The following MPDZ variants were observed in gnomAD, a reference collection of about 807,000 sequenced individuals.
MPDZ encodes multiple PDZ domain protein.
A neutral mutation model predicts 239.1 loss-of-function variants in MPDZ; 234 were observed. The observed-to-expected ratio is 0.98, with a 90% CI of 0.88 to 1.09. The LOEUF is 1.09. Ranked by LOEUF, MPDZ falls within the 50% of genes least tolerant of loss-of-function variation. The pLI, the probability that MPDZ is intolerant of heterozygous loss-of-function variation, is 0.00. For synonymous variants in MPDZ, 1,048 were observed against 881.3 expected (o/e 1.19, Z -3.35); for missense variants, 3,175 against 2,510.0 (o/e 1.26, Z -5.66).
At chr9:13,143,730 T>C (rs1242619831) in intron 26 of MPDZ, among the ~76,000 whole-genome samples, 166 bp from the exon 27 acceptor site, 1 of 151,958 alleles carries the variant, frequency 6.6e-6, no homozygotes, top group Non-Finnish European at 1.5e-5. Context: ...AACTAAAGAT[T>C]TGTCTCTAAT....
rs1194129550 is a variant in MPDZ, at chr9:13,118,863, A to T, written c.5379+639T>A. 3.9e-5 allele frequency among the ~76,000 whole-genome samples: 6 copies of T among 152,322 alleles called. No homozygotes were observed. The East Asian group carries it at 1.2e-3, about 29-fold the overall frequency. On this transcript the variant is annotated intron_variant, in intron 39 of 46. Transcript: ENST00000319217. Reference sequence around the variant, plus strand: ...GAGGAAACCAATTTTATGATGTAAAATGTACTTGAGTTTAGAATGATATCT... The same window carrying T: ...GAGGAAACCAATTTTATGATGTAAATTGTACTTGAGTTTAGAATGATATCT...
At chr9:13,196,301 G>C (rs1399631427) in intron 12 of MPDZ, 71 bp from the exon 13 acceptor site, 15 of 1,086,372 alleles carry the variant, frequency 1.4e-5, no homozygotes, top group Non-Finnish European at 1.9e-5. Context: ...CCTGTACCAA[G>C]GATTCTCTGA....
chr9:13,224,863 C>A (rs1386353488), intron 3 of MPDZ, among the ~76,000 whole-genome samples: 1 of 152,000 alleles, frequency 6.6e-6, no homozygotes, highest in Non-Finnish European at 1.5e-5. Flanking sequence ...TAAAACACAC[C>A]CATAAATATA....
At chr9:13,206,191 T>C (rs1296863037) in intron 10 of MPDZ, 92 bp from the exon 11 acceptor site, 2 of 1,205,992 alleles carry the variant, frequency 1.7e-6, no homozygotes, top group Admixed American at 2.6e-5. Context: ...TAGTTGTTAG[T>C]GTGAAAAGAA....
intron 12 of MPDZ, among the ~76,000 whole-genome samples, chr9:13,199,226 T>C (rs758570738): frequency 2.6e-5 from 4 of 152,082 alleles, no homozygotes; most frequent in Non-Finnish European, 5.9e-5. Flanking sequence ...AATCTTTTAC[T>C]TCTTTGTTTA....
chr9:13,260,093 A>G (rs1288271151), intron 1 of MPDZ, among the ~76,000 whole-genome samples: 1 of 151,710 alleles, frequency 6.6e-6, no homozygotes, highest in African/African-American at 2.4e-5. Context: ...CCACCCACCT[A>G]GGCCTCCCAA....
intron 25 of MPDZ, among the ~76,000 whole-genome samples, chr9:13,149,214 C>T (rs182527442): frequency 2.6e-5 from 4 of 152,050 alleles, no homozygotes; most frequent in African/African-American, 9.6e-5. Flanking sequence ...GACATGGTCC[C>T]TGTTTTCGCT....
chr9:13,139,921 C>T, intron 28 of MPDZ, 66 bp downstream of exon 28: 2 of 1,592,240 alleles, frequency 1.3e-6, no homozygotes, highest in Non-Finnish European at 1.7e-6. Context: ...AGGGCGAAAT[C>T]CTTGAGAAAC....
At chr9:13,226,836 A>G (rs990384089) in intron 3 of MPDZ, among the ~76,000 whole-genome samples, 9 of 152,266 alleles carry the variant, frequency 5.9e-5, no homozygotes, top group Admixed American at 3.3e-4. Context: ...GTTGTTCAAC[A>G]TACATTGGCA....
chr9:13,191,792 C>T (rs1012324328), intron 15 of MPDZ, among the ~76,000 whole-genome samples: 1 of 152,132 alleles, frequency 6.6e-6, no homozygotes, highest in African/African-American at 2.4e-5. Context: ...CATAGAAATG[C>T]TGCAAGTAAA....
intron 22 of MPDZ, 102 bp downstream of exon 22, chr9:13,168,264 A>G: frequency 9.6e-7 from 1 of 1,036,398 alleles, no homozygotes; most frequent in East Asian, 2.5e-5. Context: ...AAAAAATGTG[A>G]TAACGTTTGC....
At chr9:13,160,638 C>T (rs1950345189) in intron 23 of MPDZ, among the ~76,000 whole-genome samples, 2 of 151,454 alleles carry the variant, frequency 1.3e-5, no homozygotes, top group Admixed American at 6.6e-5. Flanking sequence ...ATTAACCCTA[C>T]AATGGAAATC....
chr9:13,224,352 T>A (rs1190314949), intron 4 of MPDZ, 22 bp downstream of exon 4: 1 of 1,579,070 alleles, frequency 6.3e-7, no homozygotes, highest in South Asian at 1.1e-5. Flanking sequence ...TTACAATAAC[T>A]AACAGAAAGA....
chr9:13,158,212 T>C lies in MPDZ; in HGVS notation c.3360-102A>G, dbSNP rs943476017. The C allele has an allele frequency of 4.7e-6, 4 of 854,360 alleles. No homozygotes were observed. The African/African-American group carries it at 6.7e-5, about 14-fold the overall frequency. 52.9% of individuals were successfully genotyped at this position (854,360 alleles called of 1,614,324 possible). On this transcript the variant is annotated intron_variant, in intron 23 of 46. Coordinates refer to ENST00000319217, the MANE Select transcript of MPDZ (RefSeq NM_001378778.1). ...TTTAGCTAAAAATGCAGGACTGTTT[T>C]ATGTTTTCACCATACATGGCCATAA...
chr9:13,223,401 G>A (rs1289984274), intron 5 of MPDZ, among the ~76,000 whole-genome samples, 170 bp downstream of exon 5: 1 of 151,900 alleles, frequency 6.6e-6, no homozygotes, highest in Admixed American at 6.6e-5. Flanking sequence ...TCATTTCAAA[G>A]AACCTGCTAT....
At chr9:13,196,367 C>G in intron 12 of MPDZ, 137 bp from the exon 13 acceptor site, 1 of 495,328 alleles carries the variant, frequency 2.0e-6, no homozygotes, top group Non-Finnish European at 3.6e-6. Context: ...CTATTCTCAT[C>G]TCCATAATTA....
At position 13,246,230 on chromosome 9, in the gene MPDZ, T is replaced by C. The variant is rs564783779; in HGVS notation, c.183+1405A>G. Among the ~76,000 whole-genome samples, 5 of 152,214 alleles carry C rather than the reference T, an allele frequency of 3.3e-5. No individual in the cohort carries two copies. The East Asian group carries it at 9.7e-4, about 29-fold the overall frequency. On this transcript the variant is annotated intron_variant, in intron 3 of 46. Coordinates refer to ENST00000319217, the MANE Select transcript of MPDZ (RefSeq NM_001378778.1). ...CGGGAGGCCAAGGCGGATAGATCAT[T>C]TGAGGTCAGGAGACCAGCCTGGCCA...
intron 7 of MPDZ, 70 bp downstream of exon 7, chr9:13,221,302 C>T: frequency 4.2e-6 from 6 of 1,427,362 alleles, no homozygotes; most frequent in Non-Finnish European, 5.5e-6. Context: ...TTCTTTCCAA[C>T]AAAAAAATGT....
At position 13,129,502 on chromosome 9, in the gene MPDZ, T is replaced by C. The variant is rs1330875634; in HGVS notation, c.4465-2730A>G. ...AAATAAATAAATAAATAAAAATAAA[T>C]AAATGAAAAGAAAAACAGGATGACA... On this transcript the variant is annotated intron_variant, in intron 32 of 46. Coordinates refer to ENST00000319217, the MANE Select transcript of MPDZ (RefSeq NM_001378778.1). 2.6e-5 allele frequency among the ~76,000 whole-genome samples: 4 copies of C among 151,444 alleles called. No individual in the cohort carries two copies. The East Asian group carries it at 7.7e-4, about 29-fold the overall frequency.
Sources: allele counts gnomAD v4.1 joint callset (sites outside exome capture counted in the v4.1 genomes callset), GRCh38; gene constraint gnomAD v4.1.1; transcripts MANE v1.5; gene names NCBI Gene and HGNC (gene_info 2026-07-23, HGNC 2026-07-21).